The following MROH1 variants were observed in gnomAD, a reference collection of about 807,000 sequenced individuals.
MROH1 encodes the protein maestro heat like repeat family member 1.
MROH1 carries 117 observed loss-of-function variants against 116.5 expected under a neutral mutation model. The observed-to-expected ratio is 1.00, with a 90% CI of 0.86 to 1.17. MROH1 has a LOEUF of 1.17. Among genes scored for constraint, MROH1 ranks in the 50% most tolerant of loss-of-function variants. The probability of loss-of-function intolerance (pLI) is 0.00; values close to 1 mark genes in which losing one functional copy is unlikely to be tolerated. For synonymous variants in MROH1, 921 were observed against 583.9 expected (o/e 1.58, Z -8.32); for missense variants, 1,873 against 1,338.5 (o/e 1.40, Z -6.23).
intron 14 of MROH1, among the ~76,000 whole-genome samples, chr8:144,234,063 G>T (rs929619797): frequency 2.3e-4 from 35 of 152,298 alleles, no homozygotes; most frequent in Non-Finnish European, 3.4e-4. Context: ...AGGCTGGAGT[G>T]CAGTGGCGCG....
chr8:144,259,667 G>A (rs1435852377), intron 37 of MROH1, among the ~76,000 whole-genome samples: 1 of 152,250 alleles, frequency 6.6e-6, no homozygotes, highest in Non-Finnish European at 1.5e-5. Flanking sequence ...TGTGGTCTTG[G>A]CCTTCGTGGC....
rs1842378380 is a variant in MROH1 at position 144,249,006 on chromosome 8, CG to C, written c.3254del (p.Gly1085AlafsTer12). 1.5e-6 allele frequency: 1 copy of C among 665,790 alleles called. No individual in the cohort carries two copies. The allele number at this position is 665,790 out of a possible 1,614,324, so 41.2% of individuals were successfully genotyped here. On this transcript the variant is annotated frameshift_variant, in exon 32 of 44. Coordinates refer to ENST00000326134, the MANE Select transcript of MROH1 (RefSeq NM_032450.3). LOFTEE classifies it high-confidence loss of function. ...TVMINCLLQERGGVLQEKVPE... is the reference protein window; with the variant it reads ...TVMINCLLQEXGGVLQEKVPE... ...CATGATCAACTGCCTGCTGCAGGAG[CG>C]GGGCGGTGTGCTCCAGGAGAAGGTG...
Position 144,180,836 on chromosome 8 carries a change from C to T in MROH1, c.562+313C>T, listed in dbSNP as rs190691090. Among the ~76,000 whole-genome samples, 13 of 152,298 alleles carry T rather than the reference C, an allele frequency of 8.5e-5. No individual in the cohort carries two copies. The highest frequency in any genetic ancestry group is 2.9e-4 in the African/African-American group (12 of 41,566). Reference sequence around the variant, plus strand: ...CCATGACTTTTTGTTTTCCTCCCCACTCCAGGCTAGAAAAGTGTCCGCTCT... The same window carrying T: ...CCATGACTTTTTGTTTTCCTCCCCATTCCAGGCTAGAAAAGTGTCCGCTCT... On this transcript the variant is annotated intron_variant, in intron 7 of 43. Coordinates refer to ENST00000326134, the MANE Select transcript of MROH1 (RefSeq NM_032450.3). This position sits in a 1 kb window ranked among gnomAD's most constrained non-coding sequence, Gnocchi z 7.4.
chr8:144,205,951 C>T (rs1832718982), intron 12 of MROH1, among the ~76,000 whole-genome samples: 1 of 152,198 alleles, frequency 6.6e-6, no homozygotes, highest in Non-Finnish European at 1.5e-5. Flanking sequence ...ACCCATATGA[C>T]TACCACTCAA....
At chr8:144,230,033 C>CAAA (rs967253953) in intron 14 of MROH1, among the ~76,000 whole-genome samples, 2 of 123,660 alleles carry the variant, frequency 1.6e-5, no homozygotes, top group African/African-American at 2.5e-5. Context: ...CACTCTGTCT[C>CAAA]AAAAATAATA....
chr8:144,217,904 G>A (rs1384089964), intron 12 of MROH1, among the ~76,000 whole-genome samples: 4 of 150,948 alleles, frequency 2.6e-5, no homozygotes, highest in Non-Finnish European at 5.9e-5. Context: ...GGGTGGCTGC[G>A]TTAGAGGCCC....
At chr8:144,159,588 C>T (rs553617539) in intron 1 of MROH1, among the ~76,000 whole-genome samples, 1 of 152,056 alleles carries the variant, frequency 6.6e-6, no homozygotes, top group Non-Finnish European at 1.5e-5. Context: ...TTGCTTTTAA[C>T]CTCGTAGTGT....
At chr8:144,248,509 G>T (rs1238147573) in intron 31 of MROH1, among the ~76,000 whole-genome samples, 2 of 152,146 alleles carry the variant, frequency 1.3e-5, no homozygotes, top group Non-Finnish European at 2.9e-5. Context: ...GTGAGCTAAG[G>T]CTCACCTGCC....
At chr8:144,188,823 C>T (rs1251940668) in intron 7 of MROH1, among the ~76,000 whole-genome samples, 1 of 152,148 alleles carries the variant, frequency 6.6e-6, no homozygotes, top group African/African-American at 2.4e-5. Context: ...TAACTCGTCC[C>T]AGGCCATACA....
chr8:144,235,106 G>C (rs1839834227), intron 14 of MROH1, among the ~76,000 whole-genome samples: 1 of 152,074 alleles, frequency 6.6e-6, no homozygotes, highest in African/African-American at 2.4e-5. Context: ...ATGTTGGCCA[G>C]GCTGGTCTCA....
chr8:144,211,203 G>T (rs187746751), intron 12 of MROH1, among the ~76,000 whole-genome samples: 2 of 152,284 alleles, frequency 1.3e-5, no homozygotes, highest in East Asian at 3.9e-4. Context: ...TCAGACTCAA[G>T]CTCAGTCCCT....
At chr8:144,192,608 A>G (rs1481542684) in intron 10 of MROH1, 16 of 698,432 alleles carry the variant, frequency 2.3e-5, no homozygotes, top group Non-Finnish European at 3.7e-5. Context: ...TGCAGGTGAC[A>G]TAGCAGCCCC....
At chr8:144,216,052 G>A (rs561888355) in intron 12 of MROH1, among the ~76,000 whole-genome samples, 27 of 152,004 alleles carry the variant, frequency 1.8e-4, no homozygotes, top group Non-Finnish European at 3.5e-4. Flanking sequence ...GGGCGTGGTG[G>A]CACATGCCTG....
chr8:144,218,447 G>C (rs908031221), intron 12 of MROH1, among the ~76,000 whole-genome samples: 1 of 151,952 alleles, frequency 6.6e-6, no homozygotes, highest in Non-Finnish European at 1.5e-5. Flanking sequence ...GGGAAGCCCA[G>C]TGGCGTTGCG....
intron 31 of MROH1, among the ~76,000 whole-genome samples, 165 bp from the exon 32 acceptor site, chr8:144,248,712 C>T (rs945150698): frequency 6.6e-6 from 1 of 152,210 alleles, no homozygotes; most frequent in South Asian, 2.1e-4. Context: ...ACCCCACCCC[C>T]GTGCAGCGAG....
chr8:144,218,677 TCTCCC>T (rs1835846630), intron 12 of MROH1, among the ~76,000 whole-genome samples: 1 of 39,618 alleles, frequency 2.5e-5, no homozygotes, highest in African/African-American at 9.9e-5. Context: ...TCCCGTCCCC[TCTCCC>T]CTCCCCTCTC....
At chr8:144,168,607 G>A (rs1415123821) in intron 4 of MROH1, among the ~76,000 whole-genome samples, 167 bp downstream of exon 4, 2 of 152,136 alleles carry the variant, frequency 1.3e-5, no homozygotes, top group Non-Finnish European at 2.9e-5. Flanking sequence ...TGGGTAACCT[G>A]CCTTGTCTCA....
intron 29 of MROH1, among the ~76,000 whole-genome samples, chr8:144,246,864 G>C (rs978482837): frequency 8.5e-5 from 13 of 152,200 alleles, no homozygotes; most frequent in African/African-American, 2.9e-4. Context: ...GAGCAGAAAG[G>C]CTCTGGAAGG....
In MROH1 at chr8:144,180,630, AG is replaced by A; in HGVS notation, c.562+113del. ...CAGGTGGGCACTTTAGGCTGCAGGA[AG>A]GGGGGCTGTTGGAGGGAGGGGCCCC... is the stretch of plus-strand genomic sequence containing the variant. On this transcript the variant is annotated intron_variant, in intron 7 of 43. Transcript: ENST00000326134. The surrounding 1 kb of genome is among the most constrained non-coding windows in gnomAD (Gnocchi z 7.4). The A allele has an allele frequency of 1.9e-6, 2 of 1,056,610 alleles. No individual in the cohort carries two copies. The highest frequency in any genetic ancestry group is 2.7e-6 in the Non-Finnish European group (2 of 750,054). 65.5% of individuals were successfully genotyped at this position (1,056,610 alleles called of 1,614,324 possible).
Sources: gnomAD v4.1 joint callset for allele counts (sites outside exome capture counted in the v4.1 genomes callset) on GRCh38, gnomAD v4.1.1 for gene constraint, Gnocchi (gnomAD v3.1) non-coding constraint, MANE v1.5 for transcripts, NCBI Gene and HGNC (gene_info 2026-07-23, HGNC 2026-07-21) for gene names.